The following FAM83G variants were observed in gnomAD, a reference collection of about 807,000 sequenced individuals.
FAM83G encodes protein FAM83G.
Under a neutral mutation model 61.5 loss-of-function variants are expected in FAM83G, and 38 were observed. The ratio of observed to expected loss-of-function variants is 0.62; its 90% CI spans 0.48 to 0.81. The LOEUF (loss-of-function observed/expected upper bound fraction) is 0.81, where lower values mean the gene tolerates loss of function less well. Among genes scored for constraint, FAM83G ranks in the 30% least tolerant of loss-of-function variants. The pLI, the probability that FAM83G is intolerant of heterozygous loss-of-function variation, is 0.00. For synonymous variants in FAM83G, 470 were observed against 476.1 expected (o/e 0.99, Z 0.17); for missense variants, 989 against 1,133.6 (o/e 0.87, Z 1.83).
Position 19,004,265 on chromosome 17 carries a change from G to A in FAM83G, c.-128-96C>T, listed in dbSNP as rs2043819370. ...GGGCCGGGAACTCAGGTGGGCGTGG[G>A]AAGGACGGGGCTGGGGCTGGGGCTG... On this transcript the variant is annotated intron_variant, in intron 1 of 5. Transcript: ENST00000388995. The surrounding 1 kb of genome is among the most constrained non-coding windows in gnomAD (Gnocchi z 5.4). The A allele has an allele frequency of 3.9e-6, 2 of 511,346 alleles. No individual in the cohort carries two copies. Among genetic ancestry groups the A allele is most frequent in the South Asian group, 2.4e-5 (1 of 42,506 alleles). 31.7% of individuals were successfully genotyped at this position (511,346 alleles called of 1,614,324 possible).
chr17:18,993,784 C>T (rs753653353), intron 2 of FAM83G, among the ~76,000 whole-genome samples: 3 of 152,220 alleles, frequency 2.0e-5, no homozygotes, highest in Non-Finnish European at 4.4e-5. Flanking sequence ...GCTCTGCACC[C>T]GCTGGCTCCG....
intron 2 of FAM83G, among the ~76,000 whole-genome samples, chr17:19,002,020 C>A (rs1160898383): frequency 3.9e-5 from 6 of 152,178 alleles, no homozygotes; most frequent in Non-Finnish European, 8.8e-5. Context: ...AGCCAGTCAT[C>A]CCCATCAGGC....
chr17:18,980,542 A>G (rs557460077), intron 3 of FAM83G, among the ~76,000 whole-genome samples: 1 of 152,204 alleles, frequency 6.6e-6, no homozygotes, highest in African/African-American at 2.4e-5. Context: ...CCCAGTGTGG[A>G]GTCTCTGGAG....
rs1199725636 is a variant in FAM83G at position 18,978,115 on chromosome 17, G to C, written c.1551C>G (p.Ala517=). The stretch of plus-strand genomic sequence containing the variant: ...CCCAGCCAATATCACTGCTGTCCCG[G>C]GCTAGTACATCTGCCACAGGGACTG... ...PRTVPVADVL[A]RDSSDIGWVL... The change falls in exon 5 of 6, where the codon GCC becomes GCG. Residue 517 remains alanine, a synonymous_variant. Coordinates refer to ENST00000388995, the MANE Select transcript of FAM83G (RefSeq NM_001039999.3). 1.3e-6 allele frequency: 2 copies of C among 1,518,240 alleles called. No individual in the cohort carries two copies. Among genetic ancestry groups the C allele is most frequent in the East Asian group, 4.5e-5 (2 of 44,168 alleles). 94.0% of individuals were successfully genotyped at this position (1,518,240 alleles called of 1,614,324 possible).
Position 18,971,005 on chromosome 17 carries a change from C to T in FAM83G, c.*354G>A. The stretch of plus-strand genomic sequence containing the variant: ...CAAACTGTCCCTGTTCCACCCTGAC[C>T]CCTCCAGCTTTTGACCAGATCGGTG... On this transcript the variant is annotated 3_prime_UTR_variant, in exon 6 of 6. Transcript: ENST00000388995. The surrounding 1 kb of genome is among the most constrained non-coding windows in gnomAD (Gnocchi z 5.5). 9 of 1,613,766 alleles carry T rather than the reference C, an allele frequency of 5.6e-6. No individual in the cohort carries two copies. The highest frequency in any genetic ancestry group is 7.6e-6 in the Non-Finnish European group (9 of 1,179,968).
At chr17:18,988,788 G>C (rs749870600) in intron 2 of FAM83G, among the ~76,000 whole-genome samples, 4 of 152,250 alleles carry the variant, frequency 2.6e-5, no homozygotes, top group Non-Finnish European at 5.9e-5. Flanking sequence ...TCCTGGGCTG[G>C]TGTGGACTTT....
chr17:18,971,313 C>A lies in FAM83G; in HGVS notation c.*46G>T, dbSNP rs371943662. ...CCTGTCTGCCCTCCGCGTCATGAGTCTGGGCTGGGGCCTCAGAAGGTGTGG... is the reference window on the plus strand; with the variant it reads ...CCTGTCTGCCCTCCGCGTCATGAGTATGGGCTGGGGCCTCAGAAGGTGTGG... On this transcript the variant is annotated 3_prime_UTR_variant, in exon 6 of 6. Transcript: ENST00000388995. The surrounding 1 kb of genome is among the most constrained non-coding windows in gnomAD (Gnocchi z 5.5). 1 of 1,607,606 alleles carries A rather than the reference C, an allele frequency of 6.2e-7. No homozygotes were observed. Among genetic ancestry groups the A allele is most frequent in the African/African-American group, 1.3e-5 (1 of 74,802 alleles).
chr17:18,978,696 C>G lies in FAM83G; in HGVS notation c.970G>C (p.Glu324Gln). 2 of 1,612,988 alleles carry G rather than the reference C, an allele frequency of 1.2e-6. No individual in the cohort carries two copies. The highest frequency in any genetic ancestry group is 1.7e-6 in the Non-Finnish European group (2 of 1,180,006). Residue 324 changes from glutamate (E) to glutamine (Q), a missense_variant, in exon 5 of 6, where the codon GAG (glutamate) becomes CAG (glutamine). Glu to Gln is a conservative substitution (Grantham distance 29). Around this residue, in one of 3 missense-constraint regions of FAM83G, gnomAD observed 44 missense variants for 83.9 expected, o/e 0.52. Coordinates refer to ENST00000388995, the MANE Select transcript of FAM83G (RefSeq NM_001039999.3). ...ACCACAGAGGGCAGCACAATAGGCT[C>G]CGGCTCCGGTTCCTTCTCCATAGGG... The part of the protein sequence containing the change: ...GIPMEKEPEP[E>Q]PIVLPSVVPL...
chr17:19,003,724 C>T lies in FAM83G; in HGVS notation c.318G>A (p.Gly106=), dbSNP rs2043797051. 6.2e-7 allele frequency: 1 copy of T among 1,603,922 alleles called. No homozygotes were observed. Residue 106 remains glycine, a synonymous_variant, in exon 2 of 6, where the codon GGG becomes GGA. Transcript: ENST00000388995. This position sits in a 1 kb window ranked among gnomAD's most constrained non-coding sequence, Gnocchi z 4.5. The part of the protein sequence containing the change: ...GDGEEASGAD[G]VPIEAEPLPS... ...GCAGCGGCTCGGCCTCGATGGGGAC[C>T]CCATCCGCCCCGCTGGCTTCCTCGC...
chr17:18,994,528 TGAGGCTGAGCAGGGAACCACTGGAAAGGG>T (rs1360659005), intron 2 of FAM83G, among the ~76,000 whole-genome samples: 5 of 152,092 alleles, frequency 3.3e-5, no homozygotes, highest in Non-Finnish European at 7.4e-5. Context: ...AGGAAACTAC[TGAGGCTGAGCAGGGAACCACTGGAAAGGG>T]GAGGCTGAGC....
In FAM83G at chr17:18,971,641, A is replaced by G. The variant is rs757008654; in HGVS notation, c.2190T>C (p.Ser730=). The change falls in exon 6 of 6, where the codon TCT becomes TCC. Residue 730 remains serine, a synonymous_variant. Coordinates refer to ENST00000388995, the MANE Select transcript of FAM83G (RefSeq NM_001039999.3). The surrounding 1 kb of genome is among the most constrained non-coding windows in gnomAD (Gnocchi z 5.5). The part of the protein sequence containing the change: ...YRSAADSVQS[S]TRNAGPAMAG... ...CCATGGCTGGGCCAGCGTTTCTGGT[A>G]GAGCTCTGGACGCTGTCAGCAGCAG... 1.4e-5 allele frequency: 22 copies of G among 1,613,476 alleles called. No individual in the cohort carries two copies. Among genetic ancestry groups the G allele is most frequent in the African/African-American group, 2.7e-5 (2 of 75,044 alleles).
In FAM83G at chr17:18,977,740, GGTTGGCCC is replaced by G. The variant is rs1348122057; in HGVS notation, c.1918_1925del (p.Gly640ProfsTer67). On this transcript the variant is annotated frameshift_variant, in exon 5 of 6. Coordinates refer to ENST00000388995, the MANE Select transcript of FAM83G (RefSeq NM_001039999.3). LOFTEE classifies it high-confidence loss of function. The stretch of plus-strand genomic sequence containing the variant: ...CACTCAGCTGCCGGCGCGGTGGTGG[GGTTGGCCC>G]GTTGGCCACTTGCTCTGAGTGGCGC... The G allele has an allele frequency of 4.4e-6, 7 of 1,606,936 alleles. No homozygotes were observed. The highest frequency in any genetic ancestry group is 1.7e-6 in the Non-Finnish European group (2 of 1,177,258).
chr17:18,971,445 G>C lies in FAM83G; in HGVS notation c.2386C>G (p.Leu796Val). The C allele has an allele frequency of 6.2e-7, 1 of 1,613,898 alleles. No homozygotes were observed. Among genetic ancestry groups the C allele is most frequent in the East Asian group, 2.2e-5 (1 of 44,880 alleles). The change falls in exon 6 of 6, where the codon CTA (leucine) becomes GTA (valine). Residue 796 changes from leucine (L) to valine (V), a missense_variant. Physicochemically the swap from Leu to Val is conservative, Grantham distance 32. Around this residue, in one of 3 missense-constraint regions of FAM83G, gnomAD observed 574 missense variants for 645.1 expected, o/e 0.89. Coordinates refer to ENST00000388995, the MANE Select transcript of FAM83G (RefSeq NM_001039999.3). This position sits in a 1 kb window ranked among gnomAD's most constrained non-coding sequence, Gnocchi z 5.5. Reference protein sequence around the residue: ...PYSKLSQSKHLKARTGGSQWA... With the variant: ...PYSKLSQSKHVKARTGGSQWA... ...TGGCTACCGCCCGTCCTGGCCTTTA[G>C]GTGCTTCGACTGAGACAGTTTGGAG...
chr17:19,004,801 C>G (rs2152144515), upstream of FAM83G: 1 of 151,168 alleles, frequency 6.6e-6, no homozygotes, highest in Non-Finnish European at 1.5e-5. The surrounding 1 kb of genome is among the most constrained non-coding windows in gnomAD (Gnocchi z 5.4). Flanking sequence ...AGGGCCGCCC[C>G]GCTTACCCCG....
At chr17:18,974,134 G>A (rs8065967) in intron 5 of FAM83G, among the ~76,000 whole-genome samples, 67,065 of 151,448 alleles carry the variant, frequency 0.44, 16,119 homozygotes, top group Admixed American at 0.55. Context: ...CTCGTGATCC[G>A]CCCACCTAGG....
At chr17:18,999,921 T>A (rs1487025510) in intron 2 of FAM83G, among the ~76,000 whole-genome samples, 1 of 152,180 alleles carries the variant, frequency 6.6e-6, no homozygotes, top group Non-Finnish European at 1.5e-5. Context: ...GGGATCCTGC[T>A]AAGGCCCCCC....
rs571906315 is a variant in FAM83G at position 18,999,475 on chromosome 17, A to G, written c.522+4045T>C. 4.3e-4 allele frequency among the ~76,000 whole-genome samples: 65 copies of G among 152,200 alleles called. 1 individual carries two copies. In the South Asian group the frequency reaches 0.013, roughly 31 times the overall value. On this transcript the variant is annotated intron_variant, in intron 2 of 5. Coordinates refer to ENST00000388995, the MANE Select transcript of FAM83G (RefSeq NM_001039999.3). The stretch of plus-strand genomic sequence containing the variant: ...CTCCAGATATCAGTTCTGTGACCTC[A>G]GGCCAGTTATTTGCCATCTCCGAGC...
Position 19,003,498 on chromosome 17 carries a change from A to C in FAM83G, c.522+22T>G. The C allele has an allele frequency of 1.3e-6, 2 of 1,514,948 alleles. No individual in the cohort carries two copies. Among genetic ancestry groups the C allele is most frequent in the Non-Finnish European group, 8.8e-7 (1 of 1,131,112 alleles). The allele number at this position is 1,514,948 out of a possible 1,614,324, so 93.8% of individuals were successfully genotyped here. Reference sequence around the variant, plus strand: ...CGGTGGCTGGTTGGGCCATGGCTCCAGGAGTCCCCGCGCTGCCTCACCTTC... The same window carrying C: ...CGGTGGCTGGTTGGGCCATGGCTCCCGGAGTCCCCGCGCTGCCTCACCTTC... On this transcript the variant is annotated intron_variant, in intron 2 of 5. Transcript: ENST00000388995. The surrounding 1 kb of genome is among the most constrained non-coding windows in gnomAD (Gnocchi z 4.5).
chr17:18,978,216 G>T lies in FAM83G; in HGVS notation c.1450C>A (p.Gln484Lys), dbSNP rs778916141. The T allele has an allele frequency of 3.8e-6, 6 of 1,576,260 alleles. No individual in the cohort carries two copies. Among genetic ancestry groups the T allele is most frequent in the Non-Finnish European group, 4.3e-6 (5 of 1,161,424 alleles). ...CCGTTCTCAGCTGGGACACCGTCCT[G>T]GGGGGCACTGGGCTCTGGGGGAGGG... ...PCPPPEPSAP[Q>K]DGVPAENGLP... is the part of the protein sequence containing the mutation. Residue 484 changes from glutamine to lysine, a missense_variant, in exon 5 of 6, where the codon CAG (glutamine) becomes AAG (lysine). By Grantham distance (53) the Gln-to-Lys change is moderately conservative (BLOSUM62 1). Coordinates refer to ENST00000388995, the MANE Select transcript of FAM83G (RefSeq NM_001039999.3).
Sources: gnomAD v4.1 joint callset for allele counts (sites outside exome capture counted in the v4.1 genomes callset) on GRCh38, gnomAD v4.1.1 for gene constraint, gnomAD v4.1.1 regional missense constraint, Gnocchi (gnomAD v3.1) non-coding constraint, MANE v1.5 for transcripts, NCBI Gene and HGNC (gene_info 2026-07-23, HGNC 2026-07-21) for gene names.